KIAA0513: variants seen among roughly 807,000 people sequenced by gnomAD.
KIAA0513 encodes KIAA0513, also known as uncharacterized protein KIAA0513.
Under a neutral mutation model 56.5 loss-of-function variants are expected in KIAA0513, and 39 were observed. The ratio of observed to expected loss-of-function variants is 0.69; its 90% CI spans 0.53 to 0.90. KIAA0513 has a LOEUF of 0.90. KIAA0513 is among the 40% of genes least tolerant of loss of function. KIAA0513 has a pLI of 0.00. For synonymous variants in KIAA0513, 268 were observed against 215.6 expected, an observed-to-expected ratio of 1.24 and a Z score of -2.13; for missense variants, 591 against 535.2, an observed-to-expected ratio of 1.10 and a Z score of -1.03.
intron 1 of KIAA0513, among the ~76,000 whole-genome samples, chr16:85,058,071 C>T (rs1597613776): frequency 6.6e-6 from 1 of 152,230 alleles, no homozygotes; most frequent in South Asian, 2.1e-4. Flanking sequence ...TTCTCCCTCC[C>T]CGGTGACTAC....
intron 1 of KIAA0513, among the ~76,000 whole-genome samples, chr16:85,052,220 T>C (rs1349024714): frequency 1.3e-5 from 2 of 152,026 alleles, no homozygotes; most frequent in Admixed American, 6.5e-5. Context: ...CTCAGGAGGC[T>C]GAGGAAGGAG....
At chr16:85,079,946 C>G (rs2144080597) in intron 8 of KIAA0513, among the ~76,000 whole-genome samples, 1 of 152,366 alleles carries the variant, frequency 6.6e-6, no homozygotes, top group African/African-American at 2.4e-5. Context: ...GAAGCCTCTC[C>G]TCGACATATT....
chr16:85,081,297 T>C lies in KIAA0513; in HGVS notation c.903-18T>C. 2 of 1,613,040 alleles carry C rather than the reference T, an allele frequency of 1.2e-6. No homozygotes were observed. The highest frequency in any genetic ancestry group is 8.5e-7 in the Non-Finnish European group (1 of 1,179,426). On this transcript the variant is annotated intron_variant, in intron 8 of 12. Transcript: ENST00000683363. This position sits in a 1 kb window ranked among gnomAD's most constrained non-coding sequence, Gnocchi z 4.4. Reference sequence around the variant, plus strand: ...CGCCTCCCCTTGGAGAGAGTGTGACTGGGGCTCTGTCTTGCAGGCACACTC... The same window carrying C: ...CGCCTCCCCTTGGAGAGAGTGTGACCGGGGCTCTGTCTTGCAGGCACACTC...
In KIAA0513 at chr16:85,067,313, A is replaced by T. The variant is rs141181667; in HGVS notation, c.242A>T (p.Asn81Ile). 1.1e-5 allele frequency: 17 copies of T among 1,611,466 alleles called. No homozygotes were observed. In the African/African-American group the frequency reaches 2.2e-4, roughly 20 times the overall value. Residue 81 changes from asparagine (N) to isoleucine (I), a missense_variant, in exon 2 of 13, where the codon AAC becomes ATC. Asn to Ile is a moderately radical substitution (Grantham distance 149). Coordinates refer to ENST00000683363, the MANE Select transcript of KIAA0513 (RefSeq NM_001388359.1). Reference sequence around the variant, plus strand: ...TCCTCCAACGAGTCCTTCTCCTCCAACCAGAGCACCGAGTCTACCCAGGAT... The same window carrying T: ...TCCTCCAACGAGTCCTTCTCCTCCATCCAGAGCACCGAGTCTACCCAGGAT... ...RSSSNESFSSNQSTESTQDEE... is the reference protein window; with the variant it reads ...RSSSNESFSSIQSTESTQDEE...
In KIAA0513 at chr16:85,088,345, G is replaced by C; in HGVS notation, c.*20G>C. On this transcript the variant is annotated 3_prime_UTR_variant, in exon 13 of 13. Transcript: ENST00000683363. ...GAGTAGGCCCCAGAGGTCGCACTCC[G>C]CAGGAGGACTGAGGCCATGTGCCAT... The C allele has an allele frequency of 6.2e-7, 1 of 1,604,482 alleles. No individual in the cohort carries two copies. Among genetic ancestry groups the C allele is most frequent in the Non-Finnish European group, 8.5e-7 (1 of 1,177,252 alleles).
chr16:85,072,886 C>T (rs376936089), intron 3 of KIAA0513, 39 bp from the exon 4 acceptor site: 6 of 1,599,904 alleles, frequency 3.8e-6, no homozygotes, highest in Non-Finnish European at 4.3e-6. Context: ...GCGTGTGTCG[C>T]CCTGAACCTC....
chr16:85,069,616 T>G (rs2073542853), intron 2 of KIAA0513, among the ~76,000 whole-genome samples: 1 of 151,792 alleles, frequency 6.6e-6, no homozygotes, highest in South Asian at 2.1e-4. Context: ...CCCGGAGCCA[T>G]GGGGTTCAGG....
chr16:85,070,951 C>G (rs1597628705), intron 2 of KIAA0513, among the ~76,000 whole-genome samples: 1 of 152,194 alleles, frequency 6.6e-6, no homozygotes, highest in African/African-American at 2.4e-5. Flanking sequence ...ACTGCAAAAG[C>G]CTGCAGATAC....
chr16:85,087,335 C>T (rs1008841288), intron 12 of KIAA0513, among the ~76,000 whole-genome samples, 169 bp downstream of exon 12: 1 of 152,228 alleles, frequency 6.6e-6, no homozygotes, highest in African/African-American at 2.4e-5. Flanking sequence ...TCTGTATAGA[C>T]AGACGCACAG....
At chr16:85,077,736 C>G (rs2073679877) in intron 6 of KIAA0513, 104 bp downstream of exon 6, 2 of 822,192 alleles carry the variant, frequency 2.4e-6, no homozygotes. Flanking sequence ...GGCCCAGAGA[C>G]TGTCAGGAAC....
intron 1 of KIAA0513, among the ~76,000 whole-genome samples, chr16:85,050,953 T>G (rs1477347832): frequency 6.6e-6 from 1 of 152,088 alleles, no homozygotes; most frequent in Non-Finnish European, 1.5e-5. Context: ...CCCAGGTATT[T>G]GAGACCAGCC....
intron 1 of KIAA0513, among the ~76,000 whole-genome samples, chr16:85,057,891 G>C (rs967021659): frequency 2.6e-5 from 4 of 151,646 alleles, no homozygotes; most frequent in African/African-American, 7.3e-5. Context: ...CACACGGCTT[G>C]GTGTGGGCTG....
chr16:85,047,055 G>T, intron 1 of KIAA0513, among the ~76,000 whole-genome samples: 1 of 152,226 alleles, frequency 6.6e-6, no homozygotes. Flanking sequence ...TCCTGATTCA[G>T]TCCTCTGGAG....
At chr16:85,052,897 A>AT (rs1031394775) in intron 1 of KIAA0513, among the ~76,000 whole-genome samples, 7 of 151,612 alleles carry the variant, frequency 4.6e-5, no homozygotes, top group East Asian at 3.9e-4. Context: ...TTTTATTTTT[A>AT]TTTTTTTTAT....
intron 1 of KIAA0513, among the ~76,000 whole-genome samples, chr16:85,039,084 G>A (rs1333540815): frequency 6.6e-6 from 1 of 152,224 alleles, no homozygotes; most frequent in Non-Finnish European, 1.5e-5. Flanking sequence ...CCGGAGCAAT[G>A]CCTGGTGCAC....
rs191628694 is a variant in KIAA0513, at chr16:85,032,768, C to G, written c.-173+4910C>G. On this transcript the variant is annotated intron_variant, in intron 1 of 12. Coordinates refer to ENST00000683363, the MANE Select transcript of KIAA0513 (RefSeq NM_001388359.1). ...GCCTCAGCCTCCCGAGTAGCTGGGA[C>G]TACAAGTGCCTGCCACCACTCCCGG... Among the ~76,000 whole-genome samples, 818 of 152,098 alleles carry G rather than the reference C, an allele frequency of 5.4e-3. 9 individuals carry two copies. Among genetic ancestry groups the G allele is most frequent in the African/African-American group, 0.019 (790 of 41,482 alleles).
chr16:85,083,002 C>G (rs1397718102), intron 10 of KIAA0513, among the ~76,000 whole-genome samples: 1 of 152,270 alleles, frequency 6.6e-6, no homozygotes, highest in Non-Finnish European at 1.5e-5. Context: ...CTTGGCCTTA[C>G]TGTTCACACT....
At chr16:85,040,826 A>G (rs1245217227) in intron 1 of KIAA0513, among the ~76,000 whole-genome samples, 1 of 152,216 alleles carries the variant, frequency 6.6e-6, no homozygotes, top group Non-Finnish European at 1.5e-5. Flanking sequence ...CCATCTAGAG[A>G]AGCGTGTGCC....
At chr16:85,033,032 C>A (rs146669526) in intron 1 of KIAA0513, among the ~76,000 whole-genome samples, 1 of 152,124 alleles carries the variant, frequency 6.6e-6, no homozygotes, top group Non-Finnish European at 1.5e-5. Context: ...GAATTCAATC[C>A]ATAATGCCTT....
Sources: allele counts gnomAD v4.1 joint callset (sites outside exome capture counted in the v4.1 genomes callset), GRCh38; gene constraint gnomAD v4.1.1; non-coding constraint Gnocchi (gnomAD v3.1); transcripts MANE v1.5; gene names NCBI Gene and HGNC (gene_info 2026-07-23, HGNC 2026-07-21).